ROBO1: variants seen among roughly 807,000 people sequenced by gnomAD.
ROBO1 encodes roundabout guidance receptor 1.
Under a neutral mutation model 195.9 loss-of-function variants are expected in ROBO1, and 149 were observed. That is an observed-to-expected ratio of 0.76 (90% confidence interval 0.67 to 0.87). The LOEUF (loss-of-function observed/expected upper bound fraction) is 0.87. ROBO1 is among the 40% of genes least tolerant of loss of function. The pLI is 0.00. For missense variants in ROBO1, 1,933 were observed against 2,068.3 expected, an observed-to-expected ratio of 0.93 and a Z score of 1.27; for synonymous variants, 816 against 733.2, an observed-to-expected ratio of 1.11 and a Z score of -1.82.
intron 2 of ROBO1, among the ~76,000 whole-genome samples, chr3:79,459,067 T>C (rs577643954): frequency 6.6e-6 from 1 of 152,168 alleles, no homozygotes; most frequent in Non-Finnish European, 1.5e-5. Flanking sequence ...TTGAATTATT[T>C]TAACTATGAT....
intron 4 of ROBO1, among the ~76,000 whole-genome samples, chr3:78,859,971 C>T (rs955720103): frequency 9.2e-5 from 14 of 151,710 alleles, no homozygotes; most frequent in East Asian, 2.0e-4. Flanking sequence ...CCCAGCTACT[C>T]GAGAGGCTGA....
chr3:78,633,371 G>T (rs936234311), intron 24 of ROBO1, among the ~76,000 whole-genome samples: 3 of 152,200 alleles, frequency 2.0e-5, no homozygotes, highest in Admixed American at 1.3e-4. Flanking sequence ...CCACAGGGAA[G>T]AGGCCTCAAT....
At chr3:78,697,089 G>T (rs2081316907) in intron 8 of ROBO1, among the ~76,000 whole-genome samples, 1 of 151,072 alleles carries the variant, frequency 6.6e-6, no homozygotes, top group Non-Finnish European at 1.5e-5. Context: ...CTACCATTTA[G>T]AATAGAAGAC....
chr3:78,650,334 A>G (rs1041029065), intron 19 of ROBO1, among the ~76,000 whole-genome samples: 2 of 152,156 alleles, frequency 1.3e-5, no homozygotes, highest in African/African-American at 2.4e-5. Context: ...TAGAGAGGAC[A>G]CATATCTGAA....
At chr3:79,725,287 C>T (rs1208295399) in intron 1 of ROBO1, among the ~76,000 whole-genome samples, 3 of 130,320 alleles carry the variant, frequency 2.3e-5, no homozygotes, top group South Asian at 5.0e-4. Flanking sequence ...AGTGCAGTGG[C>T]GCGATCTCGG....
chr3:79,040,670 T>G (rs2078470744), intron 3 of ROBO1, among the ~76,000 whole-genome samples: 1 of 152,148 alleles, frequency 6.6e-6, no homozygotes. Flanking sequence ...GTTATTAGAG[T>G]GTTACTCTAT....
chr3:78,611,552 G>T (rs1402708684), intron 28 of ROBO1, among the ~76,000 whole-genome samples: 3 of 152,192 alleles, frequency 2.0e-5, no homozygotes, highest in African/African-American at 7.2e-5. Flanking sequence ...GTAGCATGCA[G>T]CACTCTCCTT....
At chr3:79,731,136 T>C (rs1468211994) in intron 1 of ROBO1, among the ~76,000 whole-genome samples, 1 of 152,186 alleles carries the variant, frequency 6.6e-6, no homozygotes, top group Non-Finnish European at 1.5e-5. Flanking sequence ...TTGCCCCACT[T>C]TAATATATCT....
intron 15 of ROBO1, among the ~76,000 whole-genome samples, chr3:78,661,467 G>T (rs1299532551): frequency 1.3e-5 from 2 of 152,024 alleles, no homozygotes; most frequent in Admixed American, 6.6e-5. Flanking sequence ...AAATCCAAAA[G>T]AATCTTCAGC....
intron 2 of ROBO1, among the ~76,000 whole-genome samples, chr3:79,442,163 TTAC>T (rs2039076428): frequency 6.6e-6 from 1 of 152,190 alleles, no homozygotes; most frequent in Non-Finnish European, 1.5e-5. Context: ...GTCCTTAGCT[TTAC>T]ATTCAAGATG....
chr3:79,349,553 T>C (rs1322747145), intron 2 of ROBO1, among the ~76,000 whole-genome samples: 2 of 152,148 alleles, frequency 1.3e-5, no homozygotes, highest in African/African-American at 4.8e-5. Context: ...AGACTCACAT[T>C]ATCCATTTTC....
chr3:79,448,586 C>A (rs1209110489), intron 2 of ROBO1, among the ~76,000 whole-genome samples: 1 of 152,168 alleles, frequency 6.6e-6, no homozygotes, highest in Non-Finnish European at 1.5e-5. Context: ...CCCCACCTCA[C>A]AACCCACATT....
intron 2 of ROBO1, among the ~76,000 whole-genome samples, chr3:79,357,184 A>G (rs2035590030): frequency 6.6e-6 from 1 of 152,192 alleles, no homozygotes; most frequent in East Asian, 1.9e-4. Flanking sequence ...TATTAGAAGC[A>G]TGCTCTACTA....
chr3:79,470,136 A>T (rs1200285304), intron 2 of ROBO1, among the ~76,000 whole-genome samples: 1 of 152,214 alleles, frequency 6.6e-6, no homozygotes, highest in African/African-American at 2.4e-5. Flanking sequence ...CACTATTCAC[A>T]ATAACACAGA....
At chr3:79,617,682 C>T (rs886440962) in intron 1 of ROBO1, among the ~76,000 whole-genome samples, 1 of 151,906 alleles carries the variant, frequency 6.6e-6, no homozygotes, top group Non-Finnish European at 1.5e-5. Context: ...CCCAAAGGAT[C>T]ACACTCTCTC....
chr3:79,203,879 A>G (rs568347952), intron 2 of ROBO1, among the ~76,000 whole-genome samples: 2 of 152,144 alleles, frequency 1.3e-5, no homozygotes, highest in East Asian at 3.9e-4. Flanking sequence ...TTTTCTTTCT[A>G]TTCCCATTCT....
chr3:79,103,367 A>T (rs2108514602), intron 3 of ROBO1, among the ~76,000 whole-genome samples: 1 of 151,916 alleles, frequency 6.6e-6, no homozygotes, highest in South Asian at 2.1e-4. Context: ...TGCATTATTG[A>T]CTGAGGCTTA....
At chr3:79,630,306 T>C (rs1348020410) in intron 1 of ROBO1, among the ~76,000 whole-genome samples, 2 of 151,924 alleles carry the variant, frequency 1.3e-5, no homozygotes, top group African/African-American at 2.4e-5. Flanking sequence ...ATCAAGTGGG[T>C]TTTATTCCAG....
At chr3:79,414,051 T>C (rs904516149) in intron 2 of ROBO1, among the ~76,000 whole-genome samples, 10 of 152,142 alleles carry the variant, frequency 6.6e-5, no homozygotes, top group African/African-American at 2.4e-4. Context: ...CCATTTCTAC[T>C]TTATATACTC....
Sources: gnomAD v4.1 joint callset for allele counts (sites outside exome capture counted in the v4.1 genomes callset) on GRCh38, gnomAD v4.1.1 for gene constraint, MANE v1.5 for transcripts, NCBI Gene and HGNC (gene_info 2026-07-23, HGNC 2026-07-21) for gene names.